Variants in NEGR1 observed in about 807,000 individuals in gnomAD.
NEGR1 encodes the protein IgLON family member 4.
Under a neutral mutation model 40.9 loss-of-function variants are expected in NEGR1, and 10 were observed. The ratio of observed to expected loss-of-function variants is 0.24; its 90% CI spans 0.15 to 0.42. NEGR1 has a LOEUF of 0.42. Among genes scored for constraint, NEGR1 ranks in the 10% least tolerant of loss-of-function variants. NEGR1 has a pLI of 1.00. For synonymous variants in NEGR1, 185 were observed against 166.8 expected (o/e 1.11, Z -0.84); for missense variants, 352 against 438.9 (o/e 0.80, Z 1.77).
At chr1:71,631,680 AC>A in intron 4 of NEGR1, among the ~76,000 whole-genome samples, 1 of 151,980 alleles carries the variant, frequency 6.6e-6, no homozygotes, top group African/African-American at 2.4e-5. Flanking sequence ...TTAGTGAAAA[AC>A]AAGACTAACT....
chr1:71,618,189 G>A (rs1364567633), intron 4 of NEGR1, among the ~76,000 whole-genome samples: 3 of 152,150 alleles, frequency 2.0e-5, no homozygotes, highest in Non-Finnish European at 4.4e-5. Flanking sequence ...GTCTTGCTCA[G>A]CTTTCGAAAG....
chr1:72,053,995 G>T (rs1407402169), intron 1 of NEGR1, among the ~76,000 whole-genome samples: 1 of 151,148 alleles, frequency 6.6e-6, no homozygotes, highest in Non-Finnish European at 1.5e-5. Flanking sequence ...CAAGCAATTA[G>T]AAGAGAATAA....
intron 1 of NEGR1, among the ~76,000 whole-genome samples, chr1:71,939,817 G>A (rs1252399241): frequency 6.6e-6 from 1 of 152,166 alleles, no homozygotes; most frequent in East Asian, 1.9e-4. Flanking sequence ...ATTCTGCTTA[G>A]TATGTGCTAG....
At chr1:71,998,099 A>C (rs1416301143) in intron 1 of NEGR1, among the ~76,000 whole-genome samples, 2 of 151,992 alleles carry the variant, frequency 1.3e-5, no homozygotes, top group Non-Finnish European at 2.9e-5. Flanking sequence ...AAGAGGCTCT[A>C]CGTAAAGGAT....
At chr1:71,743,821 T>C (rs115268778) in intron 3 of NEGR1, among the ~76,000 whole-genome samples, 4,570 of 152,282 alleles carry the variant, frequency 0.03, 103 homozygotes, top group African/African-American at 0.053. Flanking sequence ...TTAGGTCTTA[T>C]GTATTGAATT....
intron 4 of NEGR1, among the ~76,000 whole-genome samples, chr1:71,613,701 T>C (rs890574161): frequency 2.0e-5 from 3 of 151,922 alleles, no homozygotes; most frequent in African/African-American, 4.8e-5. Context: ...AGGAGTTGTA[T>C]GCATGCGTCT....
intron 1 of NEGR1, among the ~76,000 whole-genome samples, chr1:71,986,005 T>C (rs1360067373): frequency 6.6e-6 from 1 of 152,140 alleles, no homozygotes; most frequent in Non-Finnish European, 1.5e-5. Flanking sequence ...TGAGAACATA[T>C]TTAAGAAAAT....
chr1:71,980,998 G>A (rs1646349739), intron 1 of NEGR1, among the ~76,000 whole-genome samples: 1 of 151,964 alleles, frequency 6.6e-6, no homozygotes. Flanking sequence ...TTTCTTCTGT[G>A]CATCTGTAAC....
At chr1:72,135,423 A>AAAAAAAAAAAAAAAAAAAAAAAACC (rs1557544390) in intron 1 of NEGR1, among the ~76,000 whole-genome samples, 4 of 7,002 alleles carry the variant, frequency 5.7e-4, no homozygotes, top group East Asian at 4.1e-3. Context: ...AAACAAAACC[A>AAAAAAAAAAAAAAAAAAAAAAAACC]AAAAAAAAAA....
chr1:72,199,372 A>C (rs895604487), intron 1 of NEGR1, among the ~76,000 whole-genome samples: 1 of 152,026 alleles, frequency 6.6e-6, no homozygotes, highest in African/African-American at 2.4e-5. Context: ...AAATATCCCT[A>C]TTTTAAAAAT....
At chr1:71,535,464 G>T (rs186528677) in intron 6 of NEGR1, among the ~76,000 whole-genome samples, 11 of 151,840 alleles carry the variant, frequency 7.2e-5, no homozygotes, top group East Asian at 2.0e-4. Flanking sequence ...GCTTTTAAAA[G>T]AATACAGGAA....
At chr1:71,776,910 A>G (rs1158627331) in intron 2 of NEGR1, among the ~76,000 whole-genome samples, 2 of 152,136 alleles carry the variant, frequency 1.3e-5, no homozygotes, top group Non-Finnish European at 2.9e-5. Flanking sequence ...CTTATCAATA[A>G]TGACTGGCAA....
In NEGR1 at chr1:71,751,158, CTGAG is replaced by C. The variant is rs556235967; in HGVS notation, c.535+25010_535+25013del. On this transcript the variant is annotated intron_variant, in intron 3 of 6. Transcript: ENST00000357731. ...TTACACAGAGTAATATCCAATATGA[CTGAG>C]TAATTCAGTAGTTTCAGTTTTTATC... is the stretch of plus-strand genomic sequence containing the variant. 4.6e-5 allele frequency among the ~76,000 whole-genome samples: 7 copies of C among 151,892 alleles called. No homozygotes were observed. In the South Asian group the frequency reaches 1.2e-3, roughly 27 times the overall value.
At chr1:72,009,688 TCTCTCCATAGGCAA>T (rs1646639852) in intron 1 of NEGR1, among the ~76,000 whole-genome samples, 1 of 152,116 alleles carries the variant, frequency 6.6e-6, no homozygotes, top group Admixed American at 6.6e-5. Context: ...TCTCTTGGCA[TCTCTCCATAGGCAA>T]CTGTTTTGTG....
At chr1:72,197,683 TTC>T (rs1451867764) in intron 1 of NEGR1, among the ~76,000 whole-genome samples, 2 of 151,974 alleles carry the variant, frequency 1.3e-5, no homozygotes, top group African/African-American at 4.8e-5. Flanking sequence ...GCAAAATAAA[TTC>T]TCTTTCATAT....
At chr1:71,410,472 A>G (rs746911727) in intron 6 of NEGR1, among the ~76,000 whole-genome samples, 1 of 152,162 alleles carries the variant, frequency 6.6e-6, no homozygotes, top group Non-Finnish European at 1.5e-5. Context: ...AGTTGGGGAT[A>G]TAAATAAATA....
intron 1 of NEGR1, among the ~76,000 whole-genome samples, chr1:72,254,803 T>C (rs1019711955): frequency 2.0e-5 from 3 of 152,086 alleles, no homozygotes; most frequent in Non-Finnish European, 4.4e-5. Context: ...TCTTTCCATA[T>C]ACTTCCAAGA....
intron 6 of NEGR1, among the ~76,000 whole-genome samples, chr1:71,474,821 A>C (rs1008940872): frequency 1.3e-5 from 2 of 151,948 alleles, no homozygotes; most frequent in African/African-American, 4.8e-5. Context: ...ACTTATTTAA[A>C]CTTTGTTAGA....
At chr1:71,439,350 A>G (rs2101309564) in intron 6 of NEGR1, among the ~76,000 whole-genome samples, 1 of 152,206 alleles carries the variant, frequency 6.6e-6, no homozygotes, top group South Asian at 2.1e-4. Context: ...CTTTCCTTCA[A>G]TAATGTTTTT....
Sources: allele counts gnomAD v4.1 joint callset (sites outside exome capture counted in the v4.1 genomes callset), GRCh38; gene constraint gnomAD v4.1.1; transcripts MANE v1.5; gene names NCBI Gene and HGNC (gene_info 2026-07-23, HGNC 2026-07-21).